Variants in FBRSL1 observed in about 807,000 individuals in gnomAD.
FBRSL1 encodes fibrosin like 1, also known as fibrosin-1-like protein.
FBRSL1 carries 51 observed loss-of-function variants against 89.6 expected under a neutral mutation model. The ratio of observed to expected loss-of-function variants is 0.57; its 90% confidence interval spans 0.45 to 0.72. The LOEUF is 0.72. Ranked by LOEUF, FBRSL1 falls within the 30% of genes least tolerant of loss-of-function variation. The pLI is 0.00. For synonymous variants in FBRSL1, 779 were observed against 681.1 expected (o/e 1.14, Z -2.24); for missense variants, 1,618 against 1,451.8 (o/e 1.11, Z -1.86).
intron 2 of FBRSL1, among the ~76,000 whole-genome samples, chr12:132,514,097 C>G (rs1351670082): frequency 1.3e-5 from 2 of 152,238 alleles, no homozygotes; most frequent in Admixed American, 1.3e-4. Flanking sequence ...TGTCTGGGCA[C>G]TGAGGACGAT....
intron 5 of FBRSL1, among the ~76,000 whole-genome samples, chr12:132,555,867 G>A (rs140504544): frequency 1.5e-4 from 23 of 152,226 alleles, no homozygotes; most frequent in African/African-American, 2.4e-4. Context: ...GCCTGCAGGC[G>A]GCCCCACCTT....
chr12:132,527,755 T>G (rs1461276159), intron 3 of FBRSL1, among the ~76,000 whole-genome samples, 198 bp from the exon 4 acceptor site: 1 of 114,318 alleles, frequency 8.7e-6, no homozygotes, highest in Non-Finnish European at 1.8e-5. Context: ...TGTGGGGCTG[T>G]GGGGCAGGGT....
At chr12:132,576,447 C>G (rs1334739174) in intron 14 of FBRSL1, among the ~76,000 whole-genome samples, 1 of 152,220 alleles carries the variant, frequency 6.6e-6, no homozygotes, top group Non-Finnish European at 1.5e-5. Context: ...CCCGTATCAG[C>G]CTCCCAAAGT....
rs915000984 is a variant in FBRSL1 at position 132,583,864 on chromosome 12, C to A, written c.*86C>A. The A allele has an allele frequency of 1.6e-5, 13 of 825,124 alleles. No individual in the cohort carries two copies. Among genetic ancestry groups the A allele is most frequent in the Non-Finnish European group, 2.0e-5 (13 of 650,662 alleles). 51.1% of individuals were successfully genotyped at this position (825,124 alleles called of 1,614,324 possible). On this transcript the variant is annotated 3_prime_UTR_variant, in exon 19 of 19. Coordinates refer to ENST00000680143, the MANE Select transcript of FBRSL1 (RefSeq NM_001367871.1). ...CCTAGAACTCAAGCACAGCTCCCGC[C>A]GATCCTGGGGCGGCGCCGCCTCTCC...
intron 9 of FBRSL1, chr12:132,571,731 G>C: frequency 2.7e-6 from 1 of 370,658 alleles, no homozygotes. Context: ...CCTCGGCAGT[G>C]GTCCTGGACT....
chr12:132,582,396 CCCCCTGTTCCCCTTCCCCGTTCCCCCT>C, intron 18 of FBRSL1, 130 bp downstream of exon 18: 1 of 629,808 alleles, frequency 1.6e-6, no homozygotes, highest in Non-Finnish European at 2.8e-6. Flanking sequence ...CGTTCCCCCT[CCCCCTGTTCCCCTTCCCCGTTCCCCCT>C]CCCCCATTCC....
chr12:132,511,614 T>G (rs2034350470), intron 2 of FBRSL1: 4 of 985,610 alleles, frequency 4.1e-6, no homozygotes, highest in Non-Finnish European at 4.8e-6. Flanking sequence ...CCTGGACCCC[T>G]GCGCCACGTG....
intron 6 of FBRSL1, among the ~76,000 whole-genome samples, 162 bp from the exon 7 acceptor site, chr12:132,569,764 G>A (rs968689837): frequency 1.3e-5 from 2 of 152,112 alleles, no homozygotes; most frequent in Non-Finnish European, 2.9e-5. Flanking sequence ...GTGAGATCCA[G>A]CTAGCTGTGT....
intron 2 of FBRSL1, chr12:132,510,576 C>G: frequency 8.1e-7 from 1 of 1,230,922 alleles, no homozygotes; most frequent in Non-Finnish European, 1.0e-6. Context: ...AGCCTGAGGC[C>G]TTGTCTAGAC....
At chr12:132,572,749 T>C in intron 11 of FBRSL1, 127 bp downstream of exon 11, 2 of 720,752 alleles carry the variant, frequency 2.8e-6, no homozygotes, top group Non-Finnish European at 4.7e-6. Flanking sequence ...CCTGTCGTCA[T>C]CTGGGTGCTG....
At chr12:132,534,214 G>A (rs552568523) in intron 4 of FBRSL1, among the ~76,000 whole-genome samples, 22 of 152,310 alleles carry the variant, frequency 1.4e-4, no homozygotes, top group East Asian at 9.7e-4. Flanking sequence ...CCATCCTGCC[G>A]TCCGCCTCCA....
At chr12:132,518,528 ATGCATCCATCCATCCATCCACTTG>A (rs1215556386) in intron 2 of FBRSL1, among the ~76,000 whole-genome samples, 2 of 133,238 alleles carry the variant, frequency 1.5e-5, no homozygotes, top group Non-Finnish European at 1.6e-5. Flanking sequence ...CCATGCATGC[ATGCATCCATCCATCCATCCACTTG>A]TGCATCCATC....
At chr12:132,523,658 C>A (rs980201491) in intron 2 of FBRSL1, among the ~76,000 whole-genome samples, 1 of 152,234 alleles carries the variant, frequency 6.6e-6, no homozygotes, top group African/African-American at 2.4e-5. Flanking sequence ...CCTTTCCCAT[C>A]GCTGCCAGGT....
chr12:132,498,429 A>T (rs1485095992), intron 1 of FBRSL1, among the ~76,000 whole-genome samples: 2 of 152,180 alleles, frequency 1.3e-5, no homozygotes, highest in African/African-American at 4.8e-5. Flanking sequence ...CGAGGACCGC[A>T]GCAGAGTGGA....
chr12:132,554,964 G>A (rs1266728053), intron 5 of FBRSL1: 2 of 152,226 alleles, frequency 1.3e-5, no homozygotes, highest in Non-Finnish European at 2.9e-5. Flanking sequence ...CAAAAAAAAT[G>A]TGCGGTTGGA....
chr12:132,509,936 C>T lies in FBRSL1; in HGVS notation c.489+1586C>T, dbSNP rs892412039. ...GGGCCTTCCTAGCCCCGTGTCAGTA[C>T]GGCCAGCCCCGAAGGTCCCTGCTGG... On this transcript the variant is annotated intron_variant, in intron 2 of 18. Coordinates refer to ENST00000680143, the MANE Select transcript of FBRSL1 (RefSeq NM_001367871.1). 66 of 1,231,346 alleles carry T rather than the reference C, an allele frequency of 5.4e-5. 2 individuals carry two copies. In the East Asian group the frequency reaches 1.3e-3, roughly 24 times the overall value. 76.3% of individuals were successfully genotyped at this position (1,231,346 alleles called of 1,614,324 possible).
chr12:132,490,414 G>C lies in FBRSL1; in HGVS notation c.-157G>C. On this transcript the variant is annotated 5_prime_UTR_variant, in exon 1 of 19. Coordinates refer to ENST00000680143, the MANE Select transcript of FBRSL1 (RefSeq NM_001367871.1). ...GGGGCTGAGCCGCCCCCCGCGCCCG[G>C]CATGCCCGGCCCGGCCCGCCGCCCG... 2.7e-6 allele frequency: 1 copy of C among 364,134 alleles called. No individual in the cohort carries two copies. Among genetic ancestry groups the C allele is most frequent in the Non-Finnish European group, 3.7e-6 (1 of 270,026 alleles). The allele number at this position is 364,134 out of a possible 1,614,324, so 22.6% of individuals were successfully genotyped here.
chr12:132,573,661 G>GGGAGGA (rs1190726913), intron 11 of FBRSL1, among the ~76,000 whole-genome samples: 3 of 96,934 alleles, frequency 3.1e-5, no homozygotes, highest in Non-Finnish European at 5.2e-5. Context: ...AGCCAGTCTG[G>GGGAGGA]GGAGGAGGGG....
intron 11 of FBRSL1, among the ~76,000 whole-genome samples, chr12:132,573,704 AC>A (rs752817669): frequency 1.3e-5 from 2 of 150,978 alleles, no homozygotes; most frequent in Non-Finnish European, 3.0e-5. Flanking sequence ...TTGCTGTGGG[AC>A]CCCCCTTTCC....
Sources: allele counts gnomAD v4.1 joint callset (sites outside exome capture counted in the v4.1 genomes callset), GRCh38; gene constraint gnomAD v4.1.1; transcripts MANE v1.5; gene names NCBI Gene and HGNC (gene_info 2026-07-23, HGNC 2026-07-21).